The following ACTR3C variants were observed in gnomAD, a reference collection of about 807,000 sequenced individuals.
The protein encoded by ACTR3C is actin-related protein 3C.
Under a neutral mutation model 26.3 loss-of-function variants are expected in ACTR3C, and 18 were observed. The ratio of observed to expected loss-of-function variants is 0.68; its 90% CI spans 0.47 to 1.01. ACTR3C has a LOEUF of 1.01. Among genes scored for constraint, ACTR3C ranks in the 50% least tolerant of loss-of-function variants. ACTR3C has a pLI of 0.00. For missense variants in ACTR3C, 184 were observed against 250.7 expected (o/e 0.73, Z 1.80); for synonymous variants, 55 against 94.5 (o/e 0.58, Z 2.42).
the ACTR3C span, among the ~76,000 whole-genome samples, chr7:149,894,342 T>C: frequency 6.6e-6 from 1 of 152,136 alleles, no homozygotes; most frequent in Admixed American, 6.6e-5. Context: ...TGGGCAAGGA[T>C]TTTTTTGGAC....
the ACTR3C span, among the ~76,000 whole-genome samples, chr7:150,084,166 C>G: frequency 6.6e-6 from 1 of 152,014 alleles, no homozygotes; most frequent in East Asian, 1.9e-4. Flanking sequence ...GCCACCATGC[C>G]CAGATCCTCA....
chr7:150,024,703 T>C, the ACTR3C span, among the ~76,000 whole-genome samples: 5 of 130,000 alleles, frequency 3.8e-5, no homozygotes, highest in East Asian at 4.4e-4. Flanking sequence ...CAAGAGCCTA[T>C]TGATGTCCTG....
chr7:150,045,419 G>A, the ACTR3C span, among the ~76,000 whole-genome samples: 1 of 152,184 alleles, frequency 6.6e-6, no homozygotes, highest in Non-Finnish European at 1.5e-5. Context: ...CAATTTAAAG[G>A]ACATATGTGC....
the ACTR3C span, among the ~76,000 whole-genome samples, chr7:150,193,858 A>T: frequency 6.6e-6 from 1 of 151,864 alleles, no homozygotes; most frequent in Non-Finnish European, 1.5e-5. Flanking sequence ...TGAATAATCC[A>T]GATGTTCTTG....
At chr7:149,908,079 C>G in the ACTR3C span, among the ~76,000 whole-genome samples, 2 of 151,742 alleles carry the variant, frequency 1.3e-5, no homozygotes, top group African/African-American at 4.8e-5. Flanking sequence ...GCCTTATCAG[C>G]AGAGAAAGAG....
chr7:149,936,011 C>T, the ACTR3C span, among the ~76,000 whole-genome samples: 5 of 152,040 alleles, frequency 3.3e-5, no homozygotes, highest in African/African-American at 7.3e-5. Flanking sequence ...TTGCTGTCAG[C>T]GGTTTTGCAT....
the ACTR3C span, among the ~76,000 whole-genome samples, chr7:149,970,699 A>G: frequency 1.3e-5 from 2 of 152,190 alleles, no homozygotes; most frequent in Admixed American, 6.5e-5. Flanking sequence ...AAAATGCTAA[A>G]TTCTATTCAC....
At chr7:150,068,522 C>T in the ACTR3C span, among the ~76,000 whole-genome samples, 22 of 151,952 alleles carry the variant, frequency 1.4e-4, no homozygotes, top group Non-Finnish European at 2.1e-4. Context: ...TGCCTGTAAT[C>T]CCAGCACTTT....
chr7:150,105,040 A>G, the ACTR3C span, among the ~76,000 whole-genome samples: 1 of 151,592 alleles, frequency 6.6e-6, no homozygotes, highest in South Asian at 2.1e-4. Flanking sequence ...CACATCATCA[A>G]GTAAATCTCT....
chr7:150,004,031 TGTGTGTATG>T, the ACTR3C span, among the ~76,000 whole-genome samples: 5 of 151,952 alleles, frequency 3.3e-5, no homozygotes, highest in Non-Finnish European at 4.4e-5. Context: ...GTATTTGATG[TGTGTGTATG>T]GTGTGTATGA....
rs1835043575 is a variant in ACTR3C, at chr7:150,278,181, T to C, written c.564+6572A>G. ...CACCCTAGTGCTGCAACACAGATCC[T>C]GCTGCTGGAAAACCCTTCCCCTCCC... On this transcript the variant is annotated intron_variant, in intron 6 of 7. Transcript: ENST00000683684. 2.0e-5 allele frequency among the ~76,000 whole-genome samples: 3 copies of C among 152,196 alleles called. No homozygotes were observed. The South Asian group carries it at 6.2e-4, about 31-fold the overall frequency.
the ACTR3C span, among the ~76,000 whole-genome samples, chr7:150,180,511 C>CTT: frequency 0.039 from 4,844 of 125,710 alleles, 556 homozygotes; most frequent in African/African-American, 0.16. Context: ...AGTAGTATAT[C>CTT]TTTTTTTTTT....
At chr7:150,006,111 T>C in the ACTR3C span, among the ~76,000 whole-genome samples, 48,070 of 151,712 alleles carry the variant, frequency 0.32, 8,250 homozygotes, top group Non-Finnish European at 0.38. Flanking sequence ...TGTTTCTTTC[T>C]TGTTCCCTTC....
At chr7:150,227,450 A>G in the ACTR3C span, among the ~76,000 whole-genome samples, 10 of 151,460 alleles carry the variant, frequency 6.6e-5, no homozygotes, top group African/African-American at 1.9e-4. Flanking sequence ...AGCTCCATCC[A>G]TGATTCTTTT....
the ACTR3C span, among the ~76,000 whole-genome samples, chr7:150,037,309 T>G: frequency 3.3e-3 from 139 of 42,412 alleles, 25 homozygotes; most frequent in African/African-American, 9.3e-3. Context: ...GATCTTAGGA[T>G]CAACGATGCG....
intron 6 of ACTR3C, among the ~76,000 whole-genome samples, chr7:150,268,259 T>C (rs1342211687): frequency 6.7e-6 from 1 of 148,418 alleles, no homozygotes. Context: ...CCATAGTTGC[T>C]ATGGACAACA....
the ACTR3C span, among the ~76,000 whole-genome samples, chr7:150,163,218 A>G: frequency 6.6e-6 from 1 of 151,830 alleles, no homozygotes; most frequent in Admixed American, 6.6e-5. Flanking sequence ...GACAGGGAGG[A>G]CCTCCTTGAA....
the ACTR3C span, among the ~76,000 whole-genome samples, chr7:150,145,388 T>C: frequency 6.6e-6 from 1 of 152,100 alleles, no homozygotes; most frequent in Non-Finnish European, 1.5e-5. Flanking sequence ...CTCACAGAGC[T>C]TGTCACTGGA....
the ACTR3C span, among the ~76,000 whole-genome samples, chr7:150,008,885 G>T: frequency 6.6e-6 from 1 of 151,644 alleles, no homozygotes; most frequent in Admixed American, 6.6e-5. Context: ...CGGGGCTCCC[G>T]CAAGTCATGG....
Sources: gnomAD v4.1 joint callset for allele counts (sites outside exome capture counted in the v4.1 genomes callset) on GRCh38, gnomAD v4.1.1 for gene constraint, MANE v1.5 for transcripts, NCBI Gene and HGNC (gene_info 2026-07-23, HGNC 2026-07-21) for gene names.